RALGAPA2: variants seen among roughly 807,000 people sequenced by gnomAD.
The protein encoded by RALGAPA2 is Ral GTPase activating protein catalytic subunit alpha 2, also known as ral GTPase-activating protein subunit alpha-2.
In RALGAPA2, 139 loss-of-function variants were observed where a neutral mutation model predicts 230.4. That is an observed-to-expected ratio of 0.60 (90% CI 0.53 to 0.69). RALGAPA2 has a LOEUF of 0.69. Ranked by LOEUF, RALGAPA2 falls within the 30% of genes least tolerant of loss-of-function variation. The pLI is 0.00. For missense variants in RALGAPA2, 2,163 were observed against 2,276.0 expected, an observed-to-expected ratio of 0.95 and a Z score of 1.01; for synonymous variants, 847 against 837.8, an observed-to-expected ratio of 1.01 and a Z score of -0.19.
chr20:20,505,622 C>A, intron 33 of RALGAPA2, 88 bp from the exon 34 acceptor site: 1 of 1,183,362 alleles, frequency 8.5e-7, no homozygotes, highest in East Asian at 2.6e-5. Context: ...TGACTTCTAC[C>A]ACTGAGCTTA....
intron 12 of RALGAPA2, among the ~76,000 whole-genome samples, chr20:20,616,937 G>A (rs1329693686): frequency 6.6e-6 from 1 of 152,002 alleles, no homozygotes; most frequent in Non-Finnish European, 1.5e-5. Flanking sequence ...TACCATCAGG[G>A]GTATCTCAGC....
intron 23 of RALGAPA2, among the ~76,000 whole-genome samples, chr20:20,550,784 A>T (rs1250851659): frequency 6.6e-6 from 1 of 152,248 alleles, no homozygotes; most frequent in East Asian, 1.9e-4. Flanking sequence ...AGATAAGAAC[A>T]TATGCCTTTG....
intron 38 of RALGAPA2, among the ~76,000 whole-genome samples, chr20:20,410,924 G>A (rs564260996): frequency 1.2e-4 from 18 of 152,256 alleles, no homozygotes; most frequent in Admixed American, 1.0e-3. Flanking sequence ...GGCTCCCTGC[G>A]CAAGTGCGTG....
intron 16 of RALGAPA2, among the ~76,000 whole-genome samples, chr20:20,593,880 G>A (rs548684288): frequency 7.2e-5 from 11 of 152,328 alleles, no homozygotes; most frequent in Admixed American, 2.0e-4. Context: ...GCAGACGGAC[G>A]GAGAGCCTGC....
chr20:20,400,412 C>T (rs1408513796), intron 38 of RALGAPA2, among the ~76,000 whole-genome samples: 3 of 152,088 alleles, frequency 2.0e-5, no homozygotes, highest in Non-Finnish European at 4.4e-5. Flanking sequence ...GGAGCGTGTG[C>T]CTGTATACGT....
intron 37 of RALGAPA2, among the ~76,000 whole-genome samples, chr20:20,467,204 T>C (rs982653996): frequency 6.6e-6 from 1 of 152,192 alleles, no homozygotes; most frequent in Admixed American, 6.5e-5. Context: ...TGCCAGATGA[T>C]AGTATTTTAT....
chr20:20,523,242 T>C lies in RALGAPA2; in HGVS notation c.3900+1164A>G, dbSNP rs16981953. Among the ~76,000 whole-genome samples the C allele has an allele frequency of 7.3e-3, 1,114 of 152,256 alleles. 10 individuals are homozygous for C. Among genetic ancestry groups the C allele is most frequent in the African/African-American group, 0.026 (1,068 of 41,530 alleles). On this transcript the variant is annotated intron_variant, in intron 30 of 39. Coordinates refer to ENST00000202677, the MANE Select transcript of RALGAPA2 (RefSeq NM_020343.4). Reference sequence around the variant, plus strand: ...ACTGTTAAGACAAATTACAGAAGGATATTATAAGCAATCCAGAGCAAATGC... The same window carrying C: ...ACTGTTAAGACAAATTACAGAAGGACATTATAAGCAATCCAGAGCAAATGC...
At chr20:20,403,362 C>T (rs1419242475) in intron 38 of RALGAPA2, among the ~76,000 whole-genome samples, 1 of 152,236 alleles carries the variant, frequency 6.6e-6, no homozygotes, top group Non-Finnish European at 1.5e-5. Context: ...CTGCAGTTCG[C>T]ATCTACTTAA....
In RALGAPA2 at chr20:20,629,445, T is replaced by C. The variant is rs747229320; in HGVS notation, c.1151A>G (p.His384Arg). The change falls in exon 10 of 40, where the codon CAC (histidine) becomes CGC (arginine). Residue 384 changes from histidine to arginine, a missense_variant. Coordinates refer to ENST00000202677, the MANE Select transcript of RALGAPA2 (RefSeq NM_020343.4). ...CTGTACCATTTCATACACCATTCGG[T>C]GCTCTTCTTCAATGCTACAGAGGCT... Reference protein sequence around the residue: ...NSSLCSIEEEHRMVYEMVQRI... With the variant: ...NSSLCSIEEERRMVYEMVQRI... The C allele has an allele frequency of 3.7e-6, 6 of 1,613,728 alleles. No individual in the cohort carries two copies. The highest frequency in any genetic ancestry group is 2.7e-5 in the African/African-American group (2 of 74,872).
intron 34 of RALGAPA2, chr20:20,505,121 T>C (rs2062493964): frequency 1.0e-6 from 1 of 985,344 alleles, no homozygotes. Context: ...CACATTTGTC[T>C]TCTCTTACTA....
chr20:20,403,432 A>G (rs544339099), intron 38 of RALGAPA2, among the ~76,000 whole-genome samples: 2 of 152,236 alleles, frequency 1.3e-5, no homozygotes, highest in African/African-American at 4.8e-5. Context: ...GAGTTTTAAT[A>G]TCTCAATTTG....
chr20:20,518,601 G>A (rs1197197549), intron 31 of RALGAPA2, among the ~76,000 whole-genome samples: 1 of 152,142 alleles, frequency 6.6e-6, no homozygotes, highest in Non-Finnish European at 1.5e-5. Flanking sequence ...TGTCAGAGAA[G>A]TTTAAGCAAT....
At chr20:20,710,072 G>A (rs1237683008) in intron 1 of RALGAPA2, among the ~76,000 whole-genome samples, 2 of 152,162 alleles carry the variant, frequency 1.3e-5, no homozygotes, top group Non-Finnish European at 2.9e-5. Flanking sequence ...TTCAGAGACA[G>A]GCTACGTAAC....
chr20:20,424,277 C>T (rs992457876), intron 37 of RALGAPA2, among the ~76,000 whole-genome samples: 9 of 152,126 alleles, frequency 5.9e-5, no homozygotes, highest in African/African-American at 2.2e-4. Context: ...GAAAATGCCC[C>T]GTGACACCGT....
chr20:20,588,470 C>T (rs1203235176), intron 18 of RALGAPA2, among the ~76,000 whole-genome samples: 3 of 152,086 alleles, frequency 2.0e-5, no homozygotes, highest in African/African-American at 7.2e-5. Context: ...GGATGATGAA[C>T]ACAAAGCCAA....
intron 37 of RALGAPA2, among the ~76,000 whole-genome samples, chr20:20,448,782 T>G (rs549332990): frequency 2.2e-4 from 33 of 152,220 alleles, no homozygotes; most frequent in Non-Finnish European, 4.3e-4. Flanking sequence ...AATGTTAATC[T>G]TTACTCTCAG....
intron 23 of RALGAPA2, among the ~76,000 whole-genome samples, chr20:20,562,532 C>T (rs757746311): frequency 6.6e-6 from 1 of 152,168 alleles, no homozygotes; most frequent in Non-Finnish European, 1.5e-5. Flanking sequence ...GCTAAATATA[C>T]ATAATTCATA....
chr20:20,702,048 A>G (rs1324124622), intron 1 of RALGAPA2, among the ~76,000 whole-genome samples: 1 of 152,004 alleles, frequency 6.6e-6, no homozygotes, highest in African/African-American at 2.4e-5. Context: ...TCAATAAAAA[A>G]AAAAAAAGAA....
At chr20:20,522,051 C>A (rs1167160616) in intron 30 of RALGAPA2, among the ~76,000 whole-genome samples, 1 of 152,104 alleles carries the variant, frequency 6.6e-6, no homozygotes, top group African/African-American at 2.4e-5. Flanking sequence ...AAAAATTAAG[C>A]TGCAATCACT....
Sources: allele counts gnomAD v4.1 joint callset (sites outside exome capture counted in the v4.1 genomes callset), GRCh38; gene constraint gnomAD v4.1.1; transcripts MANE v1.5; gene names NCBI Gene and HGNC (gene_info 2026-07-23, HGNC 2026-07-21).